C11orf65: variants seen among roughly 807,000 people sequenced by gnomAD.
C11orf65 encodes the protein protein MFI.
A neutral mutation model predicts 35.3 loss-of-function variants in C11orf65; 38 were observed. That is an observed-to-expected ratio of 1.08 (90% CI 0.83 to 1.41). C11orf65 has a LOEUF of 1.41. C11orf65 is among the 40% of genes most tolerant of loss of function. C11orf65 has a pLI of 0.00. For synonymous variants in C11orf65, 105 were observed against 114.4 expected, an observed-to-expected ratio of 0.92 and a Z score of 0.53; for missense variants, 370 against 367.1, an observed-to-expected ratio of 1.01 and a Z score of -0.06.
chr11:108,460,442 C>A (rs1467725095), intron 2 of C11orf65, among the ~76,000 whole-genome samples: 1 of 152,164 alleles, frequency 6.6e-6, no homozygotes, highest in Non-Finnish European at 1.5e-5. Context: ...GCACAAGTGA[C>A]CACGACATTA....
chr11:108,381,657 T>C (rs886571135), downstream of C11orf65, among the ~76,000 whole-genome samples: 5 of 152,228 alleles, frequency 3.3e-5, no homozygotes, highest in African/African-American at 7.2e-5. Context: ...TAATTTCTAA[T>C]TTGTGCTTTC....
intron 3 of C11orf65, among the ~76,000 whole-genome samples, chr11:108,415,699 A>G (rs2092720552): frequency 6.6e-6 from 1 of 152,214 alleles, no homozygotes. Context: ...GACACCACCC[A>G]ACTTCAAGAC....
intron 7 of C11orf65, among the ~76,000 whole-genome samples, chr11:108,388,254 CAT>C (rs1002089027): frequency 6.6e-6 from 1 of 152,178 alleles, no homozygotes; most frequent in African/African-American, 2.4e-5. Context: ...AAGATTAGCA[CAT>C]GACTTTTATT....
intron 2 of C11orf65, among the ~76,000 whole-genome samples, chr11:108,358,009 G>A (rs2090233680): frequency 6.8e-6 from 1 of 145,986 alleles, no homozygotes; most frequent in South Asian, 2.2e-4. Flanking sequence ...GCTACGGGAG[G>A]ACATTCAAAC....
At chr11:108,428,845 G>A (rs1966696) in intron 3 of C11orf65, among the ~76,000 whole-genome samples, 297 of 152,064 alleles carry the variant, frequency 2.0e-3, no homozygotes, top group African/African-American at 6.7e-3. Flanking sequence ...ACCAAAAAAC[G>A]AAACAAAACA....
intron 2 of C11orf65, among the ~76,000 whole-genome samples, chr11:108,448,600 ACT>A (rs1329546201): frequency 6.6e-6 from 1 of 152,058 alleles, no homozygotes; most frequent in East Asian, 1.9e-4. Context: ...CATGCTAAAA[ACT>A]CTCAATAATT....
At chr11:108,369,358 A>G (rs1565615692) in intron 2 of C11orf65, among the ~76,000 whole-genome samples, 1 of 150,258 alleles carries the variant, frequency 6.7e-6, no homozygotes, top group Non-Finnish European at 1.5e-5. Context: ...GCAAATATGA[A>G]TGTTCTTTCT....
At chr11:108,449,222 T>C (rs991098497) in intron 2 of C11orf65, among the ~76,000 whole-genome samples, 12 of 152,032 alleles carry the variant, frequency 7.9e-5, no homozygotes, top group Admixed American at 6.6e-5. Flanking sequence ...AGGTAATTTA[T>C]AGATTCAATG....
intron 6 of C11orf65, among the ~76,000 whole-genome samples, chr11:108,323,551 A>T (rs2085384916): frequency 6.6e-6 from 1 of 152,198 alleles, no homozygotes; most frequent in Non-Finnish European, 1.5e-5. Context: ...ACAAAAGAAG[A>T]TTTGGAATGT....
chr11:108,450,392 A>G (rs2093329816), intron 2 of C11orf65, among the ~76,000 whole-genome samples: 1 of 151,850 alleles, frequency 6.6e-6, no homozygotes, highest in Non-Finnish European at 1.5e-5. Context: ...TAACAACGAT[A>G]GACTGGATTA....
chr11:108,328,569 G>A (rs2136398512), downstream of C11orf65, among the ~76,000 whole-genome samples: 1 of 152,250 alleles, frequency 6.6e-6, no homozygotes, highest in South Asian at 2.1e-4. Context: ...ATTTTATAAA[G>A]TTCTCTGTTT....
chr11:108,375,582 G>T (rs1184290127), intron 2 of C11orf65, among the ~76,000 whole-genome samples: 1 of 151,292 alleles, frequency 6.6e-6, no homozygotes, highest in East Asian at 1.9e-4. Flanking sequence ...ATCAACTAAC[G>T]AACAAAATAA....
At chr11:108,451,037 C>A (rs758798658) in intron 2 of C11orf65, among the ~76,000 whole-genome samples, 1 of 151,844 alleles carries the variant, frequency 6.6e-6, no homozygotes, top group Admixed American at 6.6e-5. Context: ...TATGACAAAC[C>A]CACAGCCAAT....
intron 6 of C11orf65, among the ~76,000 whole-genome samples, chr11:108,325,040 T>C (rs1178953363): frequency 2.0e-5 from 3 of 152,166 alleles, no homozygotes; most frequent in South Asian, 2.1e-4. Flanking sequence ...GGGCTGCTTT[T>C]TGTAATGTCA....
At position 108,331,470 on chromosome 11, in the gene C11orf65, T is replaced by G. The variant is rs777925486; in HGVS notation, c.*80A>C. ...GAGACGGAATGAAGATTCCAACATA[T>G]AAATTTTTGCCTCTTATGTACCAAT... On this transcript the variant is annotated 3_prime_UTR_variant, in exon 4 of 4. Transcript: ENST00000524755. 2 of 1,613,490 alleles carry G rather than the reference T, an allele frequency of 1.2e-6. No individual in the cohort carries two copies. The highest frequency in any genetic ancestry group is 2.2e-5 in the East Asian group (1 of 44,782).
At chr11:108,394,179 C>CAAAA (rs11387098) in intron 6 of C11orf65, among the ~76,000 whole-genome samples, 6 of 82,638 alleles carry the variant, frequency 7.3e-5, no homozygotes, top group Admixed American at 1.4e-4. Context: ...GACTCCATCT[C>CAAAA]AAAAAAAAAA....
At chr11:108,455,672 C>G (rs941255658) in intron 2 of C11orf65, among the ~76,000 whole-genome samples, 11 of 151,848 alleles carry the variant, frequency 7.2e-5, no homozygotes, top group Non-Finnish European at 1.6e-4. Context: ...AAAAATTAGT[C>G]AGGTGTGGCG....
downstream of C11orf65, chr11:108,330,408 A>G (rs531617441): frequency 9.0e-5 from 145 of 1,614,146 alleles, no homozygotes; most frequent in South Asian, 1.4e-3. Context: ...TCTGAAGTCA[A>G]TGGCATGATG....
At chr11:108,455,086 C>T (rs1348041140) in intron 2 of C11orf65, among the ~76,000 whole-genome samples, 2 of 152,144 alleles carry the variant, frequency 1.3e-5, no homozygotes, top group African/African-American at 4.8e-5. Flanking sequence ...TTGTTTGTCT[C>T]AATATATTCC....
Sources: allele counts gnomAD v4.1 joint callset (sites outside exome capture counted in the v4.1 genomes callset), GRCh38; gene constraint gnomAD v4.1.1; transcripts MANE v1.5; gene names NCBI Gene and HGNC (gene_info 2026-07-23, HGNC 2026-07-21).